LARP4B: variants seen among roughly 807,000 people sequenced by gnomAD.
LARP4B encodes la-related protein 4B.
Under a neutral mutation model 89.8 loss-of-function variants are expected in LARP4B, and 12 were observed. The observed-to-expected ratio is 0.13, with a 90% CI of 0.09 to 0.22. The LOEUF is 0.22. Ranked by LOEUF, LARP4B falls within the 10% of genes least tolerant of loss-of-function variation. The pLI is 1.00. For synonymous variants in LARP4B, 367 were observed against 363.3 expected, an observed-to-expected ratio of 1.01 and a Z score of -0.12; for missense variants, 757 against 947.7, an observed-to-expected ratio of 0.80 and a Z score of 2.64.
chr10:869,616 G>C (rs767481393), intron 3 of LARP4B, among the ~76,000 whole-genome samples: 1 of 152,120 alleles, frequency 6.6e-6, no homozygotes, highest in Non-Finnish European at 1.5e-5. Context: ...GGCCAGCCCG[G>C]TGGCTCATGC....
rs990683502 is a variant in LARP4B at position 882,147 on chromosome 10, A to T, written c.141+2300T>A. 4.6e-4 allele frequency among the ~76,000 whole-genome samples: 70 copies of T among 152,246 alleles called. 1 individual carries two copies. The highest frequency in any genetic ancestry group is 1.6e-3 in the African/African-American group (67 of 41,550). The stretch of plus-strand genomic sequence containing the variant: ...AATGGGGTAATGTAAAAGTTCTAAG[A>T]CTACATTATGGTGATGATTACACAA... On this transcript the variant is annotated intron_variant, in intron 3 of 17. Coordinates refer to ENST00000316157, the MANE Select transcript of LARP4B (RefSeq NM_015155.3).
At chr10:913,934 T>C (rs1836745900) in intron 1 of LARP4B, among the ~76,000 whole-genome samples, 2 of 152,056 alleles carry the variant, frequency 1.3e-5, no homozygotes, top group African/African-American at 4.8e-5. Context: ...TAACGAAGAA[T>C]AAATTAGATG....
intron 6 of LARP4B, 73 bp downstream of exon 6, chr10:844,904 C>T: frequency 9.1e-7 from 1 of 1,097,612 alleles, no homozygotes; most frequent in Non-Finnish European, 1.3e-6. Flanking sequence ...TAAAATATCA[C>T]ATTTGTATAT....
chr10:885,666 T>A lies in LARP4B; in HGVS notation c.56A>T (p.Gln19Leu), dbSNP rs1288587691. ...CAGATGAGCGCTGTCCTTGCCCTCC[T>A]GGACTCTCTGCGTCTGCGGTTCAGC... ...VVAEPQTQRV[Q>L]EGKDSAHLMN... Residue 19 changes from glutamine to leucine, a missense_variant, in exon 2 of 18, where the codon CAG becomes CTG. Physicochemically the swap from Gln to Leu is moderately radical, Grantham distance 113. Transcript: ENST00000316157. 6.2e-7 allele frequency: 1 copy of A among 1,614,112 alleles called. No homozygotes were observed. The highest frequency in any genetic ancestry group is 1.3e-5 in the African/African-American group (1 of 75,042).
the LARP4B span, chr10:972,802 T>C: frequency 2.2e-6 from 1 of 456,682 alleles, no homozygotes; most frequent in Admixed American, 2.4e-5. Context: ...GGTAGCCGCA[T>C]TCTTTCCCCT....
chr10:867,513 T>C (rs1181468439), intron 3 of LARP4B, among the ~76,000 whole-genome samples: 1 of 152,234 alleles, frequency 6.6e-6, no homozygotes. Flanking sequence ...CTACTATTTC[T>C]ATAAAATATG....
intron 11 of LARP4B, among the ~76,000 whole-genome samples, chr10:829,090 T>C (rs929815799): frequency 3.3e-5 from 5 of 152,226 alleles, no homozygotes; most frequent in Non-Finnish European, 7.3e-5. Flanking sequence ...TGCATTGTAC[T>C]CTGTGTAGGG....
intron 3 of LARP4B, among the ~76,000 whole-genome samples, chr10:883,039 C>A (rs1835732108): frequency 6.6e-6 from 1 of 152,192 alleles, no homozygotes; most frequent in African/African-American, 2.4e-5. Flanking sequence ...GCAATGCCTA[C>A]AATAGGTTTC....
At chr10:884,120 A>G (rs1835781158) in intron 3 of LARP4B, among the ~76,000 whole-genome samples, 1 of 152,262 alleles carries the variant, frequency 6.6e-6, no homozygotes, top group Non-Finnish European at 1.5e-5. Flanking sequence ...ACAAGCTACC[A>G]AAATGTAAAG....
intron 3 of LARP4B, among the ~76,000 whole-genome samples, chr10:879,361 C>T (rs1265469641): frequency 2.0e-5 from 3 of 152,246 alleles, no homozygotes; most frequent in African/African-American, 4.8e-5. Flanking sequence ...ACCGTGCATA[C>T]ACTCTGGGGG....
rs1831940998 is a variant in LARP4B at position 814,801 on chromosome 10, G to A, written c.1870C>T (p.Leu624Phe). 6.2e-6 allele frequency: 10 copies of A among 1,605,196 alleles called. No homozygotes were observed. In the South Asian group the frequency reaches 7.7e-5, roughly 12 times the overall value. The change falls in exon 17 of 18, where the codon CTT (leucine) becomes TTT (phenylalanine). Residue 624 changes from leucine (L) to phenylalanine (F), a missense_variant. Around this residue, in one of 5 missense-constraint regions of LARP4B, gnomAD observed 387 missense variants for 423.6 expected, o/e 0.91. Transcript: ENST00000316157. The surrounding 1 kb of genome is among the most constrained non-coding windows in gnomAD (Gnocchi z 4.4). ...KQRETHSVDR[L>F]PSALTATACK... ...GCGGTCGCAGTGAGGGCGGAAGGAAGTCTGTCCACACTGTGGGTTTCCCTC... is the reference window on the plus strand; with the variant it reads ...GCGGTCGCAGTGAGGGCGGAAGGAAATCTGTCCACACTGTGGGTTTCCCTC...
the LARP4B span, among the ~76,000 whole-genome samples, chr10:937,262 C>G: frequency 9.8e-3 from 1,496 of 152,172 alleles, 22 homozygotes; most frequent in African/African-American, 0.032. Context: ...AGGCTGGTCT[C>G]GAACTCCTGG....
chr10:838,947 A>T (rs1375752992), intron 7 of LARP4B, among the ~76,000 whole-genome samples: 1 of 152,232 alleles, frequency 6.6e-6, no homozygotes, highest in East Asian at 1.9e-4. Context: ...GAAATGATCT[A>T]TCAAGCCACG....
the LARP4B span, among the ~76,000 whole-genome samples, chr10:966,233 T>C: frequency 1.2e-4 from 18 of 151,958 alleles, no homozygotes; most frequent in East Asian, 3.9e-4. Flanking sequence ...GGCAGGAGGA[T>C]TGATTGAGGC....
At chr10:890,713 T>C (rs543326758) in intron 1 of LARP4B, among the ~76,000 whole-genome samples, 33 of 151,954 alleles carry the variant, frequency 2.2e-4, no homozygotes, top group Non-Finnish European at 1.5e-5. Flanking sequence ...GACTTTTTTA[T>C]TATTATTATT....
chr10:867,865 A>G (rs369104041), intron 3 of LARP4B, among the ~76,000 whole-genome samples: 5 of 149,782 alleles, frequency 3.3e-5, no homozygotes, highest in Admixed American at 2.7e-4. Context: ...CATCCTTGAA[A>G]AAAAAAAAAA....
intron 5 of LARP4B, among the ~76,000 whole-genome samples, chr10:851,680 G>T (rs1342779948): frequency 3.3e-5 from 5 of 152,106 alleles, no homozygotes; most frequent in African/African-American, 4.8e-5. Flanking sequence ...CCAAATCTTT[G>T]TAACTATATA....
At position 810,876 on chromosome 10, in the gene LARP4B, C is replaced by A. The variant is rs1447181322; in HGVS notation, c.*2050G>T. 6.6e-6 allele frequency: 1 copy of A among 151,028 alleles called. No homozygotes were observed. Among genetic ancestry groups the A allele is most frequent in the Non-Finnish European group, 1.5e-5 (1 of 67,900 alleles). 9.4% of individuals were successfully genotyped at this position (151,028 alleles called of 1,614,324 possible). The stretch of plus-strand genomic sequence containing the variant: ...CATTTGAAAAACACTAGCCCTGTGG[C>A]TATTTCTCTGTATTTGAATAATGGC... On this transcript the variant is annotated 3_prime_UTR_variant, in exon 18 of 18. Transcript: ENST00000316157.
At chr10:975,161 A>T in the LARP4B span, among the ~76,000 whole-genome samples, 1 of 152,388 alleles carries the variant, frequency 6.6e-6, no homozygotes, top group East Asian at 1.9e-4. Flanking sequence ...AGTTACTTTC[A>T]TGATTTTATA....
Sources: allele counts gnomAD v4.1 joint callset (sites outside exome capture counted in the v4.1 genomes callset), GRCh38; gene constraint gnomAD v4.1.1; regional missense constraint gnomAD v4.1.1; non-coding constraint Gnocchi (gnomAD v3.1); transcripts MANE v1.5; gene names NCBI Gene and HGNC (gene_info 2026-07-23, HGNC 2026-07-21).